FAM133B: variants seen among roughly 807,000 people sequenced by gnomAD.
FAM133B encodes the protein family with sequence similarity 133 member B.
A neutral mutation model predicts 46.4 loss-of-function variants in FAM133B; 25 were observed. The ratio of observed to expected loss-of-function variants is 0.54; its 90% CI spans 0.39 to 0.75. The LOEUF is 0.75. Among genes scored for constraint, FAM133B ranks in the 30% least tolerant of loss-of-function variants. The pLI is 0.00. For missense variants in FAM133B, 205 were observed against 277.6 expected (o/e 0.74, Z 1.86); for synonymous variants, 75 against 86.0 (o/e 0.87, Z 0.71).
In FAM133B at chr7:92,569,831, T is replaced by C; in HGVS notation, c.601A>G (p.Ile201Val). ...SSESLSESEY[I>V]EEVRAKKKKS... is the part of the protein sequence containing the mutation. Reference sequence around the variant, plus strand: ...TTTGATCATATACTTACCTCCTCAATATACTCTGATTCTGACAAGGACTCA... The same window carrying C: ...TTTGATCATATACTTACCTCCTCAACATACTCTGATTCTGACAAGGACTCA... Residue 201 changes from isoleucine (I) to valine (V), a missense_variant, in exon 9 of 11, where the codon ATT becomes GTT. Ile to Val is a conservative substitution (Grantham distance 29). Transcript: ENST00000445716. 7.0e-7 allele frequency: 1 copy of C among 1,422,318 alleles called. No individual in the cohort carries two copies. Among genetic ancestry groups the C allele is most frequent in the South Asian group, 1.6e-5 (1 of 62,862 alleles). The allele number at this position is 1,422,318 out of a possible 1,614,324, so 88.1% of individuals were successfully genotyped here. A position where few individuals can be genotyped will look rare whatever the true frequency, so the allele number is the denominator to read the frequency against.
At chr7:92,562,883 C>A (rs1244465077) in intron 10 of FAM133B, among the ~76,000 whole-genome samples, 3 of 152,126 alleles carry the variant, frequency 2.0e-5, no homozygotes, top group East Asian at 1.9e-4. Flanking sequence ...AAATTAAAAT[C>A]AACTAATTAG....
At chr7:92,588,259 G>C (rs544842576) in intron 1 of FAM133B, among the ~76,000 whole-genome samples, 1 of 152,296 alleles carries the variant, frequency 6.6e-6, no homozygotes, top group Non-Finnish European at 1.5e-5. Flanking sequence ...AGCTAATTTG[G>C]TAAGTTTTTC....
At chr7:92,578,265 T>G (rs761394108) in intron 4 of FAM133B, 54 bp downstream of exon 4, 4 of 1,603,524 alleles carry the variant, frequency 2.5e-6, no homozygotes, top group Non-Finnish European at 3.4e-6. Context: ...ACAGCATTAT[T>G]ATGAAAATCC....
intron 2 of FAM133B, among the ~76,000 whole-genome samples, chr7:92,581,003 T>C (rs1794852672): frequency 6.6e-6 from 1 of 152,236 alleles, no homozygotes; most frequent in African/African-American, 2.4e-5. Context: ...CTCTGAAGCC[T>C]GTTGTATGTT....
At chr7:92,562,421 A>C in intron 10 of FAM133B, 53 bp from the exon 11 acceptor site, 1 of 1,508,032 alleles carries the variant, frequency 6.6e-7, no homozygotes, top group East Asian at 2.5e-5. Flanking sequence ...CGCAAATTAA[A>C]AGCATCTTTA....
At position 92,562,242 on chromosome 7, in the gene FAM133B, T is replaced by C. The variant is rs935335914; in HGVS notation, c.*40A>G. The C allele has an allele frequency of 8.9e-5, 133 of 1,499,280 alleles. No individual in the cohort carries two copies. The highest frequency in any genetic ancestry group is 1.1e-4 in the Non-Finnish European group (120 of 1,133,874). The allele number at this position is 1,499,280 out of a possible 1,614,324, so 92.9% of individuals were successfully genotyped here. On this transcript the variant is annotated 3_prime_UTR_variant, in exon 11 of 11. Coordinates refer to ENST00000445716, the MANE Select transcript of FAM133B (RefSeq NM_152789.4). ...TTCACAGTTGAAATTTCCTCAGACA[T>C]TGCACTTTCTTTATAAGGGAATCCT...
At chr7:92,575,878 C>A (rs1217772646) in intron 7 of FAM133B, 57 bp from the exon 8 acceptor site, 3 of 815,896 alleles carry the variant, frequency 3.7e-6, no homozygotes, top group South Asian at 1.7e-5. Flanking sequence ...CATTACAGAA[C>A]AAGGACAAAA....
In FAM133B at chr7:92,577,155, C is replaced by T. The variant is rs932298235; in HGVS notation, c.413G>A (p.Arg138His). Residue 138 changes from arginine to histidine, a missense_variant, in exon 7 of 11, where the codon CGT (arginine) becomes CAT (histidine). Physicochemically the swap from Arg to His is conservative, Grantham distance 29. Coordinates refer to ENST00000445716, the MANE Select transcript of FAM133B (RefSeq NM_152789.4). ...QGKRRKKKKNRSHKSSESSMS... is the reference protein window; with the variant it reads ...QGKRRKKKKNHSHKSSESSMS... ...GGAGCTTTCAGAAGATTTATGTGAA[C>T]GGTTCTTCTTTTTCTTTCTCCGTTT... 34 of 1,495,676 alleles carry T rather than the reference C, an allele frequency of 2.3e-5. No individual in the cohort carries two copies. Among genetic ancestry groups the T allele is most frequent in the South Asian group, 2.8e-5 (2 of 72,014 alleles). 92.7% of individuals were successfully genotyped at this position (1,495,676 alleles called of 1,614,324 possible).
chr7:92,571,021 T>C (rs1446859886), intron 8 of FAM133B, among the ~76,000 whole-genome samples: 1 of 152,186 alleles, frequency 6.6e-6, no homozygotes, highest in Non-Finnish European at 1.5e-5. Flanking sequence ...GCATTTAACA[T>C]TCACTAAAAT....
At chr7:92,571,327 A>G (rs1249610317) in intron 8 of FAM133B, among the ~76,000 whole-genome samples, 1 of 152,184 alleles carries the variant, frequency 6.6e-6, no homozygotes, top group Non-Finnish European at 1.5e-5. Flanking sequence ...GCCTAAACGT[A>G]TATTTGCCAA....
At chr7:92,567,283 A>C (rs1388418687) in intron 9 of FAM133B, among the ~76,000 whole-genome samples, 2 of 152,254 alleles carry the variant, frequency 1.3e-5, no homozygotes, top group Non-Finnish European at 2.9e-5. Flanking sequence ...TTACATGTTA[A>C]GTCCAAATGT....
chr7:92,587,017 G>GT (rs1446097029), intron 1 of FAM133B, among the ~76,000 whole-genome samples: 1 of 152,206 alleles, frequency 6.6e-6, no homozygotes, highest in Admixed American at 6.5e-5. Flanking sequence ...TTCATGAAAT[G>GT]TAACAAATGT....
chr7:92,582,613 T>G (rs1794922491), intron 1 of FAM133B, among the ~76,000 whole-genome samples: 1 of 152,108 alleles, frequency 6.6e-6, no homozygotes, highest in South Asian at 2.1e-4. Flanking sequence ...ATATCCAGAA[T>G]GTAAAATGAG....
intron 10 of FAM133B, among the ~76,000 whole-genome samples, chr7:92,564,519 T>A (rs567842472): frequency 2.0e-5 from 3 of 152,246 alleles, no homozygotes; most frequent in Non-Finnish European, 4.4e-5. Flanking sequence ...TACTTTCACA[T>A]TCAGAACAAA....
intron 1 of FAM133B, 155 bp from the exon 2 acceptor site, chr7:92,581,758 T>C (rs968521490): frequency 3.4e-6 from 2 of 595,664 alleles, no homozygotes; most frequent in Non-Finnish European, 5.9e-6. Context: ...AAAATTAATT[T>C]AATCCTCTTT....
rs1158232515 is a variant in FAM133B, at chr7:92,562,371, G to A, written c.658-3C>T. 6.5e-7 allele frequency: 1 copy of A among 1,527,700 alleles called. No homozygotes were observed. Among genetic ancestry groups the A allele is most frequent in the Non-Finnish European group, 8.7e-7 (1 of 1,143,536 alleles). 94.6% of individuals were successfully genotyped at this position (1,527,700 alleles called of 1,614,324 possible). A position where few individuals can be genotyped will look rare whatever the true frequency, so the allele number is the denominator to read the frequency against. ...TTCTTTTTCTTTTTTGTTTTTTCCTGTAAAGATAATTCCATGTTAGACATT... is the reference window on the plus strand; with the variant it reads ...TTCTTTTTCTTTTTTGTTTTTTCCTATAAAGATAATTCCATGTTAGACATT... On this transcript the variant is annotated splice_polypyrimidine_tract_variant and splice_region_variant and intron_variant, in intron 10 of 10. Coordinates refer to ENST00000445716, the MANE Select transcript of FAM133B (RefSeq NM_152789.4).
chr7:92,582,682 T>C (rs1051551926), intron 1 of FAM133B, among the ~76,000 whole-genome samples: 7 of 152,098 alleles, frequency 4.6e-5, no homozygotes, highest in Non-Finnish European at 1.0e-4. Context: ...GGCAGAAGAA[T>C]AGGTATTTCT....
At chr7:92,587,294 C>T (rs77292556) in intron 1 of FAM133B, among the ~76,000 whole-genome samples, 1 of 152,270 alleles carries the variant, frequency 6.6e-6, no homozygotes, top group East Asian at 1.9e-4. Context: ...CCAATATTTT[C>T]ACAAGCAAAT....
At chr7:92,562,815 T>C (rs1322411515) in intron 10 of FAM133B, among the ~76,000 whole-genome samples, 1 of 152,236 alleles carries the variant, frequency 6.6e-6, no homozygotes, top group Non-Finnish European at 1.5e-5. Context: ...ACAGGCATTG[T>C]GTACTGCTCA....
Sources: allele counts gnomAD v4.1 joint callset (sites outside exome capture counted in the v4.1 genomes callset), GRCh38; gene constraint gnomAD v4.1.1; transcripts MANE v1.5; gene names NCBI Gene and HGNC (gene_info 2026-07-23, HGNC 2026-07-21).